Variants in ZNF385D observed in about 807,000 individuals in gnomAD.
ZNF385D encodes the protein zinc finger protein 659.
A neutral mutation model predicts 35.8 loss-of-function variants in ZNF385D; 15 were observed. The ratio of observed to expected loss-of-function variants is 0.42; its 90% CI spans 0.28 to 0.64. The LOEUF (loss-of-function observed/expected upper bound fraction) is 0.64, where lower values mean the gene tolerates loss of function less well. Ranked by LOEUF, ZNF385D falls within the 30% of genes least tolerant of loss-of-function variation. The pLI is 0.23. For synonymous variants in ZNF385D, 212 were observed against 186.8 expected (o/e 1.13, Z -1.10); for missense variants, 474 against 494.6 (o/e 0.96, Z 0.39).
At chr3:22,316,089 A>C (rs1359107359) in intron 2 of ZNF385D, among the ~76,000 whole-genome samples, 1 of 152,122 alleles carries the variant, frequency 6.6e-6, no homozygotes, top group Non-Finnish European at 1.5e-5. Flanking sequence ...CCCACCCTGC[A>C]TCTGTGACTC....
intron 2 of ZNF385D, among the ~76,000 whole-genome samples, chr3:22,342,879 T>C (rs898641759): frequency 2.8e-4 from 42 of 152,168 alleles, no homozygotes; most frequent in African/African-American, 9.7e-4. Context: ...CAAACCACAG[T>C]TGAAGATACC....
intron 2 of ZNF385D, among the ~76,000 whole-genome samples, chr3:22,209,716 G>C (rs1697392139): frequency 6.6e-6 from 1 of 150,772 alleles, no homozygotes; most frequent in Admixed American, 6.7e-5. Context: ...CATCCTTTAG[G>C]TACACTCATT....
chr3:21,520,298 C>T (rs1334323834), intron 3 of ZNF385D, among the ~76,000 whole-genome samples: 2 of 152,296 alleles, frequency 1.3e-5, no homozygotes, highest in East Asian at 1.9e-4. Context: ...GAGTGGATCT[C>T]ATAACAGAGA....
intron 2 of ZNF385D, among the ~76,000 whole-genome samples, chr3:22,267,449 T>C (rs1700953695): frequency 6.6e-6 from 1 of 151,870 alleles, no homozygotes; most frequent in East Asian, 1.9e-4. Flanking sequence ...ATAACTTGCA[T>C]GTATCAGCAA....
chr3:21,635,805 C>T (rs1419224891), intron 2 of ZNF385D, among the ~76,000 whole-genome samples: 2 of 152,058 alleles, frequency 1.3e-5, no homozygotes, highest in Non-Finnish European at 2.9e-5. Context: ...TGAGAACATA[C>T]GATGTTTGGT....
intron 2 of ZNF385D, among the ~76,000 whole-genome samples, chr3:22,272,086 A>C (rs999033367): frequency 6.6e-6 from 1 of 151,984 alleles, no homozygotes; most frequent in Non-Finnish European, 1.5e-5. Context: ...ACAAAATGCC[A>C]TATGTGTCTC....
At chr3:21,745,710 G>T (rs1387853936) in intron 1 of ZNF385D, among the ~76,000 whole-genome samples, 1 of 152,136 alleles carries the variant, frequency 6.6e-6, no homozygotes, top group Non-Finnish European at 1.5e-5. Flanking sequence ...TATGACCTTT[G>T]TTGTTTTTTG....
At chr3:21,446,575 C>T (rs982373589) in intron 4 of ZNF385D, among the ~76,000 whole-genome samples, 4 of 144,294 alleles carry the variant, frequency 2.8e-5, no homozygotes, top group African/African-American at 5.2e-5. Context: ...CTCACTGCAA[C>T]TTCTGCCTCC....
chr3:21,696,624 C>T (rs1374806560), intron 1 of ZNF385D, among the ~76,000 whole-genome samples: 1 of 152,210 alleles, frequency 6.6e-6, no homozygotes, highest in South Asian at 2.1e-4. Flanking sequence ...AACTGTGTAT[C>T]CACACAACAT....
intron 2 of ZNF385D, among the ~76,000 whole-genome samples, chr3:22,255,976 G>T: frequency 6.6e-6 from 1 of 151,578 alleles, no homozygotes; most frequent in East Asian, 1.9e-4. Context: ...CCCTTAATCT[G>T]GTTGTGCACA....
At chr3:22,196,773 T>A (rs1321835684) in intron 2 of ZNF385D, among the ~76,000 whole-genome samples, 1 of 152,040 alleles carries the variant, frequency 6.6e-6, no homozygotes, top group Admixed American at 6.6e-5. Flanking sequence ...AAGTTATTAT[T>A]TTTTAGTTTT....
intron 3 of ZNF385D, among the ~76,000 whole-genome samples, chr3:22,048,630 T>A (rs975111200): frequency 2.0e-5 from 3 of 152,142 alleles, no homozygotes; most frequent in Admixed American, 1.3e-4. Flanking sequence ...CAGTACCATG[T>A]TGTTTTGATT....
chr3:22,005,353 A>C (rs1696136962), intron 3 of ZNF385D, among the ~76,000 whole-genome samples: 1 of 152,078 alleles, frequency 6.6e-6, no homozygotes. Flanking sequence ...ATAAATTAAC[A>C]CAGTCATTAT....
chr3:22,099,823 GCTA>G (rs1336279599), intron 3 of ZNF385D, among the ~76,000 whole-genome samples: 2 of 151,962 alleles, frequency 1.3e-5, no homozygotes, highest in Admixed American at 1.3e-4. Context: ...GGGAGTGGGG[GCTA>G]CTACTGTAAG....
chr3:21,808,605 T>TG lies in ZNF385D; in HGVS notation c.326-143578dup, dbSNP rs547917701. On this transcript the variant is annotated intron_variant, in intron 3 of 5. Transcript: ENST00000494108. The stretch of plus-strand genomic sequence containing the variant: ...GCCAGTGCTGTGGCCATAGAGCTAC[T>TG]GGGTGGACTGTTGTCAATTATTCCT... Among the ~76,000 whole-genome samples the TG allele has an allele frequency of 4.6e-5, 7 of 152,354 alleles. No individual in the cohort carries two copies. The South Asian group carries it at 1.4e-3, about 32-fold the overall frequency.
chr3:22,111,843 A>T (rs1220486835), intron 3 of ZNF385D, among the ~76,000 whole-genome samples: 8 of 152,166 alleles, frequency 5.3e-5, no homozygotes, highest in Admixed American at 5.2e-4. Flanking sequence ...TTGGTTTTAT[A>T]AAGCACAGAG....
intron 4 of ZNF385D, among the ~76,000 whole-genome samples, chr3:21,503,215 G>A (rs1405837843): frequency 1.3e-5 from 2 of 152,042 alleles, no homozygotes; most frequent in African/African-American, 4.8e-5. Context: ...TCAGGAACAG[G>A]TATTAAAGAC....
chr3:21,894,467 C>T (rs1436488466), intron 3 of ZNF385D, among the ~76,000 whole-genome samples: 1 of 151,602 alleles, frequency 6.6e-6, no homozygotes, highest in African/African-American at 2.4e-5. Context: ...TTGCTCTTTC[C>T]TTTCTTTTGC....
At chr3:21,672,282 C>T (rs2066599369) in intron 1 of ZNF385D, among the ~76,000 whole-genome samples, 1 of 151,350 alleles carries the variant, frequency 6.6e-6, no homozygotes, top group Admixed American at 6.6e-5. Context: ...TTCTCCCCGC[C>T]CCTCTCCTCT....
Sources: allele counts gnomAD v4.1 joint callset (sites outside exome capture counted in the v4.1 genomes callset), GRCh38; gene constraint gnomAD v4.1.1; transcripts MANE v1.5; gene names NCBI Gene and HGNC (gene_info 2026-07-23, HGNC 2026-07-21).